Variants in BCL11B observed in about 807,000 individuals in gnomAD.
BCL11B encodes BCL11 transcription factor B.
BCL11B carries 8 observed loss-of-function variants against 49.9 expected under a neutral mutation model. The ratio of observed to expected loss-of-function variants is 0.16; its 90% confidence interval spans 0.09 to 0.29. BCL11B has a LOEUF of 0.29. BCL11B is among the 10% of genes least tolerant of loss of function. The probability of loss-of-function intolerance (pLI) is 1.00; values close to 1 mark genes in which losing one functional copy is unlikely to be tolerated. For missense variants in BCL11B, 1,006 were observed against 1,351.0 expected (o/e 0.74, Z 4.00); for synonymous variants, 739 against 637.4 (o/e 1.16, Z -2.40).
At chr14:99,263,578 G>A (rs1415145236) in intron 1 of BCL11B, among the ~76,000 whole-genome samples, 1 of 152,218 alleles carries the variant, frequency 6.6e-6, no homozygotes, top group Non-Finnish European at 1.5e-5. Flanking sequence ...AATGTTTGGG[G>A]AGGGTCTCCC....
intron 3 of BCL11B, among the ~76,000 whole-genome samples, chr14:99,193,609 A>AT (rs1887099884): frequency 6.6e-6 from 1 of 152,176 alleles, no homozygotes; most frequent in African/African-American, 2.4e-5. Flanking sequence ...AAGAAAAAAA[A>AT]GTTTCCCTTC....
At chr14:99,223,834 G>C (rs1888083118) in intron 3 of BCL11B, among the ~76,000 whole-genome samples, 2 of 152,206 alleles carry the variant, frequency 1.3e-5, no homozygotes, top group South Asian at 4.1e-4. Context: ...CTGTCCTCAG[G>C]TGGGACACCT....
chr14:99,252,117 C>T (rs1889025729), intron 2 of BCL11B, among the ~76,000 whole-genome samples: 1 of 152,220 alleles, frequency 6.6e-6, no homozygotes, highest in South Asian at 2.1e-4. Context: ...GCCATCCCAA[C>T]ACCCAAACCC....
chr14:99,183,738 T>A (rs1886775517), intron 3 of BCL11B, among the ~76,000 whole-genome samples: 1 of 151,534 alleles, frequency 6.6e-6, no homozygotes, highest in Non-Finnish European at 1.5e-5. Flanking sequence ...TTCTCTGCGT[T>A]TTCTCATGGT....
At chr14:99,180,007 TA>T (rs1308353742) in intron 3 of BCL11B, among the ~76,000 whole-genome samples, 1 of 152,198 alleles carries the variant, frequency 6.6e-6, no homozygotes, top group Admixed American at 6.5e-5. Flanking sequence ...GGCTCATTTT[TA>T]AGTGCAGCAA....
chr14:99,253,993 C>G (rs1353777899), intron 2 of BCL11B, among the ~76,000 whole-genome samples: 1 of 152,230 alleles, frequency 6.6e-6, no homozygotes, highest in Non-Finnish European at 1.5e-5. Context: ...CTCCTCCGTC[C>G]ACAGCGAATG....
chr14:99,184,855 G>A lies in BCL11B; in HGVS notation c.641-8660C>T, dbSNP rs1045451836. ...GGTGACCGTCCACTTACCCTCATGG[G>A]ACCCCTGCAGCAGAGGTGAGCTGTG... On this transcript the variant is annotated intron_variant, in intron 3 of 3. Transcript: ENST00000357195. This position sits in a 1 kb window ranked among gnomAD's most constrained non-coding sequence, Gnocchi z 6.1. Among the ~76,000 whole-genome samples, 3 of 152,190 alleles carry A rather than the reference G, an allele frequency of 2.0e-5. No homozygotes were observed. Among genetic ancestry groups the A allele is most frequent in the Admixed American group, 6.5e-5 (1 of 15,284 alleles).
At chr14:99,186,481 C>T (rs1352684476) in intron 3 of BCL11B, among the ~76,000 whole-genome samples, 1 of 152,176 alleles carries the variant, frequency 6.6e-6, no homozygotes, top group Admixed American at 6.5e-5. Flanking sequence ...GGTCGCACCA[C>T]TGCACTCCAG....
intron 3 of BCL11B, among the ~76,000 whole-genome samples, chr14:99,187,116 G>A (rs1353157187): frequency 6.6e-6 from 1 of 152,138 alleles, no homozygotes; most frequent in African/African-American, 2.4e-5. Context: ...TGTTTCAACC[G>A]TTCAATTCTT....
intron 3 of BCL11B, among the ~76,000 whole-genome samples, chr14:99,229,115 GATGA>G (rs144328573): frequency 0.015 from 1,823 of 123,818 alleles, 54 homozygotes; most frequent in East Asian, 0.12. Context: ...TGGATACAGG[GATGA>G]ATGGATGGAT....
chr14:99,259,897 C>T (rs1889286683), intron 1 of BCL11B, among the ~76,000 whole-genome samples: 1 of 152,204 alleles, frequency 6.6e-6, no homozygotes, highest in East Asian at 1.9e-4. Flanking sequence ...AACGGTTTGT[C>T]AGAATGTAAA....
chr14:99,221,567 C>A (rs1032954723), intron 3 of BCL11B, among the ~76,000 whole-genome samples: 1 of 152,254 alleles, frequency 6.6e-6, no homozygotes, highest in African/African-American at 2.4e-5. Context: ...CTGCCAGGTA[C>A]AAGGCCAGGC....
chr14:99,189,399 G>A (rs894996993), intron 3 of BCL11B, among the ~76,000 whole-genome samples: 1 of 152,250 alleles, frequency 6.6e-6, no homozygotes, highest in South Asian at 2.1e-4. Context: ...TTATGGAAGA[G>A]AAAAGCTGCA....
chr14:99,190,908 G>C (rs1009330823), intron 3 of BCL11B, among the ~76,000 whole-genome samples: 11 of 20,244 alleles, frequency 5.4e-4, no homozygotes, highest in African/African-American at 2.4e-3. Flanking sequence ...TCGGCCACAC[G>C]GGGGGGGTCA....
chr14:99,186,944 C>G (rs1886870167), intron 3 of BCL11B, among the ~76,000 whole-genome samples: 1 of 152,178 alleles, frequency 6.6e-6, no homozygotes, highest in East Asian at 1.9e-4. Flanking sequence ...CTAGGTTACC[C>G]TCTCCGGCAG....
chr14:99,234,819 A>G (rs1888441734), intron 2 of BCL11B, among the ~76,000 whole-genome samples: 1 of 132,916 alleles, frequency 7.5e-6, no homozygotes, highest in African/African-American at 2.8e-5. Context: ...CCTGCAAGAC[A>G]CTCCCAAAAA....
intron 3 of BCL11B, among the ~76,000 whole-genome samples, chr14:99,198,121 G>A (rs1887231665): frequency 6.6e-6 from 1 of 152,208 alleles, no homozygotes; most frequent in South Asian, 2.1e-4. Context: ...GATGCAGGGT[G>A]CCCAGCTAGA....
chr14:99,263,683 C>T (rs2139967593), intron 1 of BCL11B, among the ~76,000 whole-genome samples: 1 of 152,304 alleles, frequency 6.6e-6, no homozygotes, highest in South Asian at 2.1e-4. Flanking sequence ...AGTCCAACCG[C>T]CTTCTCTCCC....
At position 99,257,796 on chromosome 14, in the gene BCL11B, C is replaced by G. The variant is rs769902986; in HGVS notation, c.102G>C (p.Glu34Asp). The G allele has an allele frequency of 1.3e-6, 2 of 1,563,662 alleles. No homozygotes were observed. The highest frequency in any genetic ancestry group is 3.7e-5 in the Admixed American group (2 of 53,530). ...CACTTGGCTCCTCTATCTCCAGACC[C>G]TCGTCTTCTTCGAGGATGGCGGCCT... The part of the protein sequence containing the change: ...HVEAAILEED[E>D]GLEIEEPSGL... Residue 34 changes from glutamate to aspartate, a missense_variant, in exon 2 of 4, where the codon GAG becomes GAC. By Grantham distance (45) the Glu-to-Asp change is conservative. This residue lies in a region of BCL11B where 411 missense variants were observed against 542.2 expected (regional missense o/e 0.76). Transcript: ENST00000357195. The surrounding 1 kb of genome is among the most constrained non-coding windows in gnomAD (Gnocchi z 6.2).
Sources: allele counts gnomAD v4.1 joint callset (sites outside exome capture counted in the v4.1 genomes callset), GRCh38; gene constraint gnomAD v4.1.1; regional missense constraint gnomAD v4.1.1; non-coding constraint Gnocchi (gnomAD v3.1); transcripts MANE v1.5; gene names NCBI Gene and HGNC (gene_info 2026-07-23, HGNC 2026-07-21).